TMEM11: variants seen among roughly 807,000 people sequenced by gnomAD.
TMEM11 encodes the protein transmembrane protein 11, mitochondrial.
Under a neutral mutation model 17.0 loss-of-function variants are expected in TMEM11, and 1 was observed. The observed-to-expected ratio is 0.06, with a 90% CI of 0.02 to 0.28. TMEM11 has a LOEUF of 0.28. TMEM11 is among the 10% of genes least tolerant of loss of function. The probability of loss-of-function intolerance (pLI) is 1.00; values close to 1 mark genes in which losing one functional copy is unlikely to be tolerated. For missense variants in TMEM11, 172 were observed against 252.9 expected, an observed-to-expected ratio of 0.68 and a Z score of 2.17; for synonymous variants, 122 against 118.1, an observed-to-expected ratio of 1.03 and a Z score of -0.21.
chr17:21,203,564 A>G (rs1188829619), intron 1 of TMEM11, among the ~76,000 whole-genome samples: 1 of 152,134 alleles, frequency 6.6e-6, no homozygotes, highest in Non-Finnish European at 1.5e-5. Flanking sequence ...AAAATTAGCC[A>G]GGCGCGGTGC....
At chr17:21,206,979 C>T (rs1314310839) in intron 1 of TMEM11, among the ~76,000 whole-genome samples, 1 of 152,134 alleles carries the variant, frequency 6.6e-6, no homozygotes, top group Non-Finnish European at 1.5e-5. Context: ...TTTTCATCAT[C>T]TCAGAAAGAA....
intron 1 of TMEM11, among the ~76,000 whole-genome samples, chr17:21,206,831 T>C (rs1056833838): frequency 6.6e-6 from 1 of 152,198 alleles, no homozygotes; most frequent in African/African-American, 2.4e-5. Context: ...GATTTGTATT[T>C]TTTAATGGCA....
intron 1 of TMEM11, among the ~76,000 whole-genome samples, chr17:21,199,123 A>T (rs1019438254): frequency 3.3e-5 from 5 of 150,778 alleles, no homozygotes; most frequent in African/African-American, 1.2e-4. Flanking sequence ...GTTAGAGACC[A>T]GCCTGGCCAA....
At chr17:21,208,895 G>A (rs1251717205) in intron 1 of TMEM11, among the ~76,000 whole-genome samples, 1 of 152,236 alleles carries the variant, frequency 6.6e-6, no homozygotes, top group Non-Finnish European at 1.5e-5. Flanking sequence ...ACTGGTACCA[G>A]AAAAGTCAAC....
Position 21,198,481 on chromosome 17 carries a change from T to C in TMEM11, c.422A>G (p.Tyr141Cys), listed in dbSNP as rs983735705. The change falls in exon 2 of 2, where the codon TAT (tyrosine) becomes TGT (cysteine). Residue 141 changes from tyrosine to cysteine, a missense_variant. Physicochemically the swap from Tyr to Cys is radical, Grantham distance 194. Coordinates refer to ENST00000317635, the MANE Select transcript of TMEM11 (RefSeq NM_003876.3). This position sits in a 1 kb window ranked among gnomAD's most constrained non-coding sequence, Gnocchi z 6.5. Reference protein sequence around the residue: ...CCKYQVEYDAYKLSRLPLHTL... With the variant: ...CCKYQVEYDACKLSRLPLHTL... Reference sequence around the variant, plus strand: ...GTGCAGAGGCAGGCGCGACAGTTTATAGGCGTCGTACTCCACTTGGTACTT... The same window carrying C: ...GTGCAGAGGCAGGCGCGACAGTTTACAGGCGTCGTACTCCACTTGGTACTT... 9 of 1,614,118 alleles carry C rather than the reference T, an allele frequency of 5.6e-6. No homozygotes were observed. Among genetic ancestry groups the C allele is most frequent in the Admixed American group, 1.7e-5 (1 of 60,016 alleles).
intron 1 of TMEM11, among the ~76,000 whole-genome samples, chr17:21,199,266 G>A (rs1185161495): frequency 7.0e-6 from 1 of 142,890 alleles, no homozygotes; most frequent in Admixed American, 7.5e-5. Context: ...GGCGGAGCTT[G>A]CAGTGAGCCG....
At chr17:21,206,908 G>A (rs1038177872) in intron 1 of TMEM11, among the ~76,000 whole-genome samples, 2 of 152,142 alleles carry the variant, frequency 1.3e-5, no homozygotes, top group Admixed American at 6.6e-5. Flanking sequence ...CCCATCGGAG[G>A]TGAACGATGA....
chr17:21,203,076 A>G (rs939028425), intron 1 of TMEM11, among the ~76,000 whole-genome samples: 2 of 152,220 alleles, frequency 1.3e-5, no homozygotes, highest in African/African-American at 4.8e-5. Context: ...AGGCTCACCA[A>G]TTCTGCTTTT....
At chr17:21,202,923 C>T (rs1329038683) in intron 1 of TMEM11, among the ~76,000 whole-genome samples, 2 of 152,254 alleles carry the variant, frequency 1.3e-5, no homozygotes, top group East Asian at 3.8e-4. Flanking sequence ...GCCCCGGCCT[C>T]CTGCAGCCTC....
chr17:21,212,962 T>C (rs1975018619), intron 1 of TMEM11, among the ~76,000 whole-genome samples: 1 of 152,222 alleles, frequency 6.6e-6, no homozygotes, highest in Admixed American at 6.5e-5. Flanking sequence ...GCTGGATAAC[T>C]GGGCTAAAGA....
At position 21,200,123 on chromosome 17, in the gene TMEM11, G is replaced by A. The variant is rs1475056436; in HGVS notation, c.63-1283C>T. 2.6e-5 allele frequency among the ~76,000 whole-genome samples: 4 copies of A among 152,228 alleles called. No homozygotes were observed. The East Asian group carries it at 7.7e-4, about 29-fold the overall frequency. On this transcript the variant is annotated intron_variant, in intron 1 of 1. Coordinates refer to ENST00000317635, the MANE Select transcript of TMEM11 (RefSeq NM_003876.3). ...ACCACACGGAACGCTCAGCTCTGCAGCAAGGCCAGACGGCAGCCCGGCTGC... is the reference window on the plus strand; with the variant it reads ...ACCACACGGAACGCTCAGCTCTGCAACAAGGCCAGACGGCAGCCCGGCTGC...
At chr17:21,210,469 C>G (rs2144311058) in intron 1 of TMEM11, among the ~76,000 whole-genome samples, 1 of 152,310 alleles carries the variant, frequency 6.6e-6, no homozygotes, top group Middle Eastern at 3.4e-3. Flanking sequence ...CACACAAAAG[C>G]AAGCATGGAG....
chr17:21,198,357 A>G lies in TMEM11; in HGVS notation c.546T>C (p.Cys182=). 3.1e-6 allele frequency: 5 copies of G among 1,614,152 alleles called. No homozygotes were observed. The highest frequency in any genetic ancestry group is 3.4e-6 in the Non-Finnish European group (4 of 1,180,000). ...CATAGAGTTCGTAAATCTTCTTTAC[A>G]CAGTACACCAGGGCGGCCAGTGCTA... ...NTIALAALVY[C]VKKIYELYAV The change falls in exon 2 of 2, where the codon TGT becomes TGC. Residue 182 remains cysteine (C), a synonymous_variant. Coordinates refer to ENST00000317635, the MANE Select transcript of TMEM11 (RefSeq NM_003876.3). This position sits in a 1 kb window ranked among gnomAD's most constrained non-coding sequence, Gnocchi z 6.5.
intron 1 of TMEM11, among the ~76,000 whole-genome samples, chr17:21,205,427 G>A (rs1974932077): frequency 6.6e-6 from 1 of 152,178 alleles, no homozygotes; most frequent in African/African-American, 2.4e-5. Context: ...AGGGTGCTGT[G>A]GTGCACTTGG....
At chr17:21,210,832 C>A (rs1248191051) in intron 1 of TMEM11, 20 of 1,117,968 alleles carry the variant, frequency 1.8e-5, no homozygotes, top group Non-Finnish European at 2.2e-5. Context: ...TGCATCTGGC[C>A]CTCTGCACAC....
intron 1 of TMEM11, among the ~76,000 whole-genome samples, chr17:21,210,670 G>A (rs1420790429): frequency 1.3e-5 from 2 of 152,204 alleles, no homozygotes; most frequent in Non-Finnish European, 2.9e-5. Context: ...GAAGAGGACA[G>A]GTCCTGGGGA....
chr17:21,205,405 A>G (rs1488958676), intron 1 of TMEM11, among the ~76,000 whole-genome samples: 4 of 152,154 alleles, frequency 2.6e-5, no homozygotes, highest in East Asian at 1.9e-4. Context: ...AAAGCCAACT[A>G]TAAGGACAGC....
chr17:21,200,631 C>G (rs1000863410), intron 1 of TMEM11, among the ~76,000 whole-genome samples: 1 of 152,230 alleles, frequency 6.6e-6, no homozygotes, highest in African/African-American at 2.4e-5. Flanking sequence ...AGTCCATGCC[C>G]TTCCAACTGG....
intron 1 of TMEM11, among the ~76,000 whole-genome samples, chr17:21,203,896 G>T (rs1379652267): frequency 6.7e-6 from 1 of 148,218 alleles, no homozygotes; most frequent in Non-Finnish European, 1.5e-5. Flanking sequence ...CCCCTAACTG[G>T]TAAGGCCATG....
Sources: allele counts gnomAD v4.1 joint callset (sites outside exome capture counted in the v4.1 genomes callset), GRCh38; gene constraint gnomAD v4.1.1; non-coding constraint Gnocchi (gnomAD v3.1); transcripts MANE v1.5; gene names NCBI Gene and HGNC (gene_info 2026-07-23, HGNC 2026-07-21).